GCH1: variants seen among roughly 807,000 people sequenced by gnomAD.
GCH1 encodes GTP cyclohydrolase I.
Under a neutral mutation model 25.9 loss-of-function variants are expected in GCH1, and 5 were observed. The observed-to-expected ratio is 0.19, with a 90% CI of 0.10 to 0.41. The LOEUF (loss-of-function observed/expected upper bound fraction) is 0.41, where lower values mean the gene tolerates loss of function less well. Ranked by LOEUF, GCH1 falls within the 10% of genes least tolerant of loss-of-function variation. The pLI is 1.00. For missense variants in GCH1, 261 were observed against 336.5 expected, an observed-to-expected ratio of 0.78 and a Z score of 1.75; for synonymous variants, 159 against 129.6, an observed-to-expected ratio of 1.23 and a Z score of -1.54.
At chr14:54,871,291 A>C (rs1341158717) in intron 1 of GCH1, among the ~76,000 whole-genome samples, 2 of 152,234 alleles carry the variant, frequency 1.3e-5, no homozygotes, top group Non-Finnish European at 2.9e-5. Flanking sequence ...GAGGGTCCTG[A>C]CTGTTAGAAG....
chr14:54,862,602 T>G (rs2039918673), intron 2 of GCH1, among the ~76,000 whole-genome samples: 1 of 131,114 alleles, frequency 7.6e-6, no homozygotes, highest in Non-Finnish European at 1.6e-5. Context: ...CGTTTTTTTT[T>G]TTTTTGGTTG....
chr14:54,859,829 T>A, intron 2 of GCH1, 93 bp from the exon 3 acceptor site: 1 of 743,186 alleles, frequency 1.3e-6, no homozygotes, highest in Non-Finnish European at 2.5e-6. Context: ...ATAGTACACT[T>A]TTATGTAATT....
intron 1 of GCH1, among the ~76,000 whole-genome samples, chr14:54,889,712 A>C (rs748466048): frequency 1.3e-5 from 2 of 152,236 alleles, no homozygotes; most frequent in Non-Finnish European, 2.9e-5. Context: ...AATAAATTAC[A>C]GGAGGAGGGC....
chr14:54,896,851 C>G (rs190880003), intron 1 of GCH1, among the ~76,000 whole-genome samples: 14 of 146,526 alleles, frequency 9.6e-5, no homozygotes, highest in African/African-American at 2.9e-4. Flanking sequence ...ACCGGGAGAC[C>G]GAGCTTGCAG....
intron 3 of GCH1, among the ~76,000 whole-genome samples, chr14:54,854,550 AAAGTTTT>A (rs1227649491): frequency 6.6e-6 from 1 of 152,206 alleles, no homozygotes; most frequent in African/African-American, 2.4e-5. Flanking sequence ...GAACTACAGA[AAAGTTTT>A]AAACTTCTTT....
At chr14:54,889,566 A>G (rs1017368113) in intron 1 of GCH1, among the ~76,000 whole-genome samples, 1 of 152,200 alleles carries the variant, frequency 6.6e-6, no homozygotes, top group Non-Finnish European at 1.5e-5. Flanking sequence ...ATTCACCCAG[A>G]ATTCAGTCAC....
chr14:54,873,759 T>C lies in GCH1; in HGVS notation c.344-8323A>G, dbSNP rs1271233765. On this transcript the variant is annotated intron_variant, in intron 1 of 5. Coordinates refer to ENST00000491895, the MANE Select transcript of GCH1 (RefSeq NM_000161.3). ...AGAAAATCTAGAAGACATGGATAAA[T>C]TCCTGGACACACACACCCTCCCAAG... Among the ~76,000 whole-genome samples the C allele has an allele frequency of 2.0e-5, 3 of 152,232 alleles. No homozygotes were observed. In the South Asian group the frequency reaches 6.2e-4, roughly 32 times the overall value.
intron 3 of GCH1, among the ~76,000 whole-genome samples, chr14:54,858,115 T>G (rs117911250): frequency 0.017 from 2,479 of 147,954 alleles, 36 homozygotes; most frequent in South Asian, 0.049. Flanking sequence ...TAGAGGGCAG[T>G]TGTCAGATTG....
intron 1 of GCH1, among the ~76,000 whole-genome samples, chr14:54,868,324 G>A (rs1413631678): frequency 6.6e-6 from 1 of 152,106 alleles, no homozygotes; most frequent in East Asian, 1.9e-4. Flanking sequence ...GGCTAAGGCA[G>A]GAGGATCACT....
chr14:54,895,615 G>A (rs535854432), intron 1 of GCH1, among the ~76,000 whole-genome samples: 7 of 152,266 alleles, frequency 4.6e-5, no homozygotes, highest in South Asian at 4.1e-4. Flanking sequence ...TAAAAGAATA[G>A]TGGAAATACA....
chr14:54,881,753 A>C lies in GCH1; in HGVS notation c.344-16317T>G, dbSNP rs201557260. ...GAAAGACCTAATGTATTGCAAAAAA[A>C]GTAAAAGTTTGGTTATTTTGGAAAT... On this transcript the variant is annotated intron_variant, in intron 1 of 5. Coordinates refer to ENST00000491895, the MANE Select transcript of GCH1 (RefSeq NM_000161.3). Among the ~76,000 whole-genome samples, 14 of 152,354 alleles carry C rather than the reference A, an allele frequency of 9.2e-5. No homozygotes were observed. The East Asian group carries it at 2.1e-3, about 23-fold the overall frequency.
intron 1 of GCH1, among the ~76,000 whole-genome samples, chr14:54,893,017 T>G (rs1192911644): frequency 6.6e-6 from 1 of 152,084 alleles, no homozygotes; most frequent in Non-Finnish European, 1.5e-5. Context: ...CGGCAGAGGT[T>G]TCAGTGAGCT....
At chr14:54,844,280 C>T in intron 5 of GCH1, 137 bp from the exon 6 acceptor site, 1 of 754,668 alleles carries the variant, frequency 1.3e-6, no homozygotes, top group Middle Eastern at 2.3e-4. Context: ...CAAATGTTAT[C>T]TATTAGGTTC....
intron 3 of GCH1, 59 bp from the exon 4 acceptor site, chr14:54,847,189 C>A: frequency 1.4e-6 from 1 of 695,538 alleles, no homozygotes; most frequent in East Asian, 2.8e-5. Flanking sequence ...AATTGATAAG[C>A]CTTCCTCATA....
intron 2 of GCH1, among the ~76,000 whole-genome samples, chr14:54,862,558 G>GT (rs1347961112): frequency 1.8e-5 from 2 of 110,364 alleles, no homozygotes; most frequent in South Asian, 2.9e-4. Flanking sequence ...ATTTTTGCCT[G>GT]TTTTTTTGTT....
intron 1 of GCH1, among the ~76,000 whole-genome samples, chr14:54,881,644 A>G (rs2140101126): frequency 6.6e-6 from 1 of 152,298 alleles, no homozygotes. Context: ...AACCAGTCAC[A>G]CCATCTGCTG....
At chr14:54,845,489 A>AG (rs1566659496) in intron 5 of GCH1, among the ~76,000 whole-genome samples, 2 of 151,814 alleles carry the variant, frequency 1.3e-5, no homozygotes, top group East Asian at 3.9e-4. Flanking sequence ...AAAAAAAAAA[A>AG]GGCTATTGAT....
At chr14:54,893,104 G>A (rs17832263) in intron 1 of GCH1, among the ~76,000 whole-genome samples, 10,952 of 152,174 alleles carry the variant, frequency 0.072, 637 homozygotes, top group Non-Finnish European at 0.11. Context: ...TTCTACTAAT[G>A]GGCTCCAATA....
At chr14:54,852,750 G>A (rs904733294) in intron 3 of GCH1, among the ~76,000 whole-genome samples, 7 of 152,076 alleles carry the variant, frequency 4.6e-5, no homozygotes, top group African/African-American at 1.4e-4. Flanking sequence ...CATCGACAAC[G>A]TAAAGTGAGG....
Sources: gnomAD v4.1 joint callset for allele counts (sites outside exome capture counted in the v4.1 genomes callset) on GRCh38, gnomAD v4.1.1 for gene constraint, MANE v1.5 for transcripts, NCBI Gene and HGNC (gene_info 2026-07-23, HGNC 2026-07-21) for gene names.